KIDINS220: variants seen among roughly 807,000 people sequenced by gnomAD.
The protein encoded by KIDINS220 is kinase D interacting substrate 220, also known as kinase D-interacting substrate of 220 kDa.
KIDINS220 carries 63 observed loss-of-function variants against 157.6 expected under a neutral mutation model. That is an observed-to-expected ratio of 0.40 (90% CI 0.33 to 0.49). The LOEUF is 0.49. Among genes scored for constraint, KIDINS220 ranks in the 20% least tolerant of loss-of-function variants. The pLI, the probability that KIDINS220 is intolerant of heterozygous loss-of-function variation, is 0.66. For synonymous variants in KIDINS220, 732 were observed against 783.6 expected (o/e 0.93, Z 1.10); for missense variants, 1,772 against 2,171.2 (o/e 0.82, Z 3.65).
At chr2:8,826,424 C>T (rs901022844) in intron 2 of KIDINS220, among the ~76,000 whole-genome samples, 5 of 152,066 alleles carry the variant, frequency 3.3e-5, no homozygotes, top group African/African-American at 1.2e-4. Flanking sequence ...GCCTGGCCAA[C>T]ATGGAGAAAC....
chr2:8,815,160 G>C (rs1288467441), intron 4 of KIDINS220, among the ~76,000 whole-genome samples: 1 of 152,116 alleles, frequency 6.6e-6, no homozygotes, highest in Non-Finnish European at 1.5e-5. Context: ...CAGCACTTTG[G>C]GAGGCCGAGG....
intron 5 of KIDINS220, among the ~76,000 whole-genome samples, chr2:8,812,790 T>A (rs574826343): frequency 6.6e-6 from 1 of 152,306 alleles, no homozygotes; most frequent in East Asian, 1.9e-4. Context: ...TTTTTATAAA[T>A]TCAACACATT....
intron 1 of KIDINS220, among the ~76,000 whole-genome samples, chr2:8,836,730 C>A (rs1025854862): frequency 3.9e-5 from 6 of 152,106 alleles, no homozygotes; most frequent in Non-Finnish European, 7.4e-5. Flanking sequence ...CAGGAACGAA[C>A]CTGAAGGGGT....
At chr2:8,796,937 C>T in intron 10 of KIDINS220, 68 bp from the exon 11 acceptor site, 1 of 1,118,290 alleles carries the variant, frequency 8.9e-7, no homozygotes, top group Non-Finnish European at 1.4e-6. Flanking sequence ...CATACAAATG[C>T]ACATGTCAAG....
chr2:8,831,821 T>C (rs1360502052), intron 1 of KIDINS220, among the ~76,000 whole-genome samples: 1 of 152,162 alleles, frequency 6.6e-6, no homozygotes, highest in Non-Finnish European at 1.5e-5. Flanking sequence ...TTTCAAAGAA[T>C]GCCAACATCA....
Position 8,747,221 on chromosome 2 carries a change from G to C in KIDINS220, c.3529-20C>G, listed in dbSNP as rs1379008232. The C allele has an allele frequency of 1.2e-6, 2 of 1,613,106 alleles. No individual in the cohort carries two copies. The highest frequency in any genetic ancestry group is 2.2e-5 in the East Asian group (1 of 44,888). On this transcript the variant is annotated intron_variant, in intron 25 of 29. Transcript: ENST00000256707. ...AACTTCCTAACAACACAAAACAGGA[G>C]AGTGTGGGTGAAAAGGGGAAGGGGG... is the stretch of plus-strand genomic sequence containing the variant.
chr2:8,728,531 T>G (rs1444190084), downstream of KIDINS220, among the ~76,000 whole-genome samples: 1 of 152,224 alleles, frequency 6.6e-6, no homozygotes, highest in East Asian at 1.9e-4. Context: ...AGGGAGATGG[T>G]CTATGACTCA....
chr2:8,744,038 G>A (rs1179830210), intron 26 of KIDINS220, among the ~76,000 whole-genome samples: 1 of 148,296 alleles, frequency 6.7e-6, no homozygotes, highest in Non-Finnish European at 1.5e-5. Flanking sequence ...TTTCACAGAA[G>A]TGAGGATTTG....
intron 20 of KIDINS220, 43 bp downstream of exon 20, chr2:8,778,595 GA>G: frequency 8.4e-7 from 1 of 1,188,820 alleles, no homozygotes; most frequent in Non-Finnish European, 1.3e-6. Flanking sequence ...GTATTAAATT[GA>G]ATAGCAATAC....
chr2:8,770,535 A>G, intron 22 of KIDINS220, 135 bp downstream of exon 22: 1 of 483,408 alleles, frequency 2.1e-6, no homozygotes, highest in Non-Finnish European at 3.6e-6. Flanking sequence ...TTATAATGGA[A>G]TTAATAAGAA....
chr2:8,818,755 G>C lies in KIDINS220; in HGVS notation c.147C>G (p.Gly49=). The change falls in exon 3 of 30, where the codon GGC becomes GGG. Residue 49 remains glycine (G), a synonymous_variant. Transcript: ENST00000256707. ...TTAATTCCTTCACTATTTCCAGATT[G>C]CCTTGTTCGGCAGCTATCATCAGTG... ...QTPLMIAAEQ[G]NLEIVKELIK... 1 of 1,610,094 alleles carries C rather than the reference G, an allele frequency of 6.2e-7. No homozygotes were observed. Among genetic ancestry groups the C allele is most frequent in the Non-Finnish European group, 8.5e-7 (1 of 1,177,314 alleles).
intron 26 of KIDINS220, among the ~76,000 whole-genome samples, chr2:8,743,745 G>A (rs1665960015): frequency 6.6e-6 from 1 of 152,144 alleles, no homozygotes; most frequent in Admixed American, 6.5e-5. Flanking sequence ...TAGCACTCCT[G>A]GGGGACCCTC....
intron 5 of KIDINS220, 98 bp from the exon 6 acceptor site, chr2:8,812,591 T>G (rs1432698761): frequency 1.4e-5 from 7 of 515,158 alleles, no homozygotes; most frequent in Admixed American, 4.0e-5. Context: ...TAAAATCTTT[T>G]AGGTAGATAT....
At chr2:8,774,377 A>C (rs1425397034) in intron 21 of KIDINS220, among the ~76,000 whole-genome samples, 2 of 152,142 alleles carry the variant, frequency 1.3e-5, no homozygotes, top group African/African-American at 4.8e-5. Context: ...GAGGGGAAAC[A>C]AACAAAAACC....
In KIDINS220 at chr2:8,806,314, T is replaced by C. The variant is rs368553342; in HGVS notation, c.560A>G (p.Lys187Arg). 8.7e-6 allele frequency: 14 copies of C among 1,611,222 alleles called. No homozygotes were observed. The highest frequency in any genetic ancestry group is 8.0e-5 in the African/African-American group (6 of 74,870). ...ATCAGCTCCCATGGCCAATAAATGT[T>C]TCACACATTCCAAATGACCCTTTCG... ...AARKGHLECVKHLLAMGADVD... is the reference protein window; with the variant it reads ...AARKGHLECVRHLLAMGADVD... The change falls in exon 7 of 30, where the codon AAA (lysine) becomes AGA (arginine). Residue 187 changes from lysine (K) to arginine (R), a missense_variant. Physicochemically the swap from Lys to Arg is conservative, Grantham distance 26 (BLOSUM62 2). Around this residue, in one of 3 missense-constraint regions of KIDINS220, gnomAD observed 254 missense variants for 268.6 expected, o/e 0.95. Transcript: ENST00000256707.
At chr2:8,802,229 C>T (rs1448046432) in intron 8 of KIDINS220, among the ~76,000 whole-genome samples, 2 of 152,126 alleles carry the variant, frequency 1.3e-5, no homozygotes, top group Non-Finnish European at 2.9e-5. Flanking sequence ...TCTTGGATGA[C>T]TTTAAACAAA....
At chr2:8,832,426 A>C (rs1199592125) in intron 1 of KIDINS220, among the ~76,000 whole-genome samples, 2 of 152,248 alleles carry the variant, frequency 1.3e-5, no homozygotes, top group Non-Finnish European at 2.9e-5. Context: ...ACACAATAGT[A>C]AAACCAATGA....
chr2:8,803,191 A>G, intron 7 of KIDINS220, 64 bp from the exon 8 acceptor site: 1 of 1,295,152 alleles, frequency 7.7e-7, no homozygotes, highest in Non-Finnish European at 1.1e-6. Context: ...TATTCTAGAA[A>G]ATATATGATT....
In KIDINS220 at chr2:8,827,214, C is replaced by T. The variant is rs1678933898; in HGVS notation, c.-36-85G>A. 3 of 562,326 alleles carry T rather than the reference C, an allele frequency of 5.3e-6. No individual in the cohort carries two copies. In the East Asian group the frequency reaches 8.9e-5, roughly 17 times the overall value. 34.8% of individuals were successfully genotyped at this position (562,326 alleles called of 1,614,324 possible). ...ATACAATATCCTTCTTAACATTAAC[C>T]TCATGCAAGGACACCTCCAGTGGCA... is the stretch of plus-strand genomic sequence containing the variant. On this transcript the variant is annotated intron_variant, in intron 1 of 29. Transcript: ENST00000256707.
Sources: gnomAD v4.1 joint callset for allele counts (sites outside exome capture counted in the v4.1 genomes callset) on GRCh38, gnomAD v4.1.1 for gene constraint, gnomAD v4.1.1 regional missense constraint, MANE v1.5 for transcripts, NCBI Gene and HGNC (gene_info 2026-07-23, HGNC 2026-07-21) for gene names.